Variants in SPATA9 observed in about 807,000 individuals in gnomAD.
SPATA9 encodes spermatogenesis associated 9.
In SPATA9, 27 loss-of-function variants were observed where a neutral mutation model predicts 25.5. That is an observed-to-expected ratio of 1.06 (90% CI 0.78 to 1.46). The LOEUF (loss-of-function observed/expected upper bound fraction) is 1.46, where lower values mean the gene tolerates loss of function less well. Among genes scored for constraint, SPATA9 ranks in the 40% most tolerant of loss-of-function variants. The pLI, the probability that SPATA9 is intolerant of heterozygous loss-of-function variation, is 0.00. For missense variants in SPATA9, 282 were observed against 297.5 expected, an observed-to-expected ratio of 0.95 and a Z score of 0.38; for synonymous variants, 102 against 105.7, an observed-to-expected ratio of 0.97 and a Z score of 0.21.
chr5:95,688,043 C>T (rs770562952), intron 1 of SPATA9, among the ~76,000 whole-genome samples: 10 of 152,096 alleles, frequency 6.6e-5, no homozygotes, highest in Non-Finnish European at 1.2e-4. Flanking sequence ...AACTACTACT[C>T]GATCTGGCAA....
At chr5:95,693,087 A>G (rs1223812655) in intron 1 of SPATA9, among the ~76,000 whole-genome samples, 1 of 152,190 alleles carries the variant, frequency 6.6e-6, no homozygotes, top group Non-Finnish European at 1.5e-5. Context: ...TTGTTTTTGT[A>G]TTATATCAAG....
At chr5:95,721,382 G>A in the SPATA9 span, among the ~76,000 whole-genome samples, 3 of 152,286 alleles carry the variant, frequency 2.0e-5, no homozygotes, top group Non-Finnish European at 4.4e-5. Context: ...GAACTGGAGG[G>A]AGCTGGTAAC....
At chr5:95,676,766 C>T (rs551858575) in intron 2 of SPATA9, among the ~76,000 whole-genome samples, 1 of 152,258 alleles carries the variant, frequency 6.6e-6, no homozygotes, top group African/African-American at 2.4e-5. Flanking sequence ...ATCAATACAC[C>T]AGCCAGAGAG....
intron 3 of SPATA9, among the ~76,000 whole-genome samples, chr5:95,667,711 T>C (rs1168385592): frequency 1.3e-5 from 2 of 152,178 alleles, no homozygotes; most frequent in African/African-American, 2.4e-5. Flanking sequence ...TGGTAGGCCA[T>C]ATACAATAAA....
the SPATA9 span, among the ~76,000 whole-genome samples, chr5:95,727,984 G>C: frequency 6.6e-6 from 1 of 152,188 alleles, no homozygotes; most frequent in African/African-American, 2.4e-5. Context: ...TGGCTTCAAG[G>C]TTGACCTGAC....
At chr5:95,670,996 C>T (rs906219920) in intron 3 of SPATA9, 2 of 697,216 alleles carry the variant, frequency 2.9e-6, no homozygotes, top group African/African-American at 3.9e-5. Context: ...TCTTCCTAAC[C>T]CCAGCCCCCA....
the SPATA9 span, chr5:95,708,561 A>G: frequency 8.6e-6 from 6 of 695,862 alleles, no homozygotes; most frequent in African/African-American, 1.1e-4. Flanking sequence ...ACTGATAAGT[A>G]TCTCGACAGC....
intron 1 of SPATA9, among the ~76,000 whole-genome samples, chr5:95,697,254 T>C (rs1754046632): frequency 6.6e-6 from 1 of 152,180 alleles, no homozygotes; most frequent in African/African-American, 2.4e-5. Flanking sequence ...CTCACTCGTG[T>C]GCCTTTTGGC....
intron 3 of SPATA9, among the ~76,000 whole-genome samples, chr5:95,668,842 G>A (rs920152443): frequency 6.6e-6 from 1 of 152,116 alleles, no homozygotes; most frequent in African/African-American, 2.4e-5. Context: ...CCAACAGTGA[G>A]CAGTAAAGAT....
At chr5:95,731,813 C>A in the SPATA9 span, 1 of 1,599,942 alleles carries the variant, frequency 6.3e-7, no homozygotes, top group Non-Finnish European at 8.5e-7. Context: ...GAGACCCGCG[C>A]GCTGACCGTG....
the SPATA9 span, chr5:95,731,136 C>T: frequency 2.0e-6 from 2 of 1,018,514 alleles, no homozygotes; most frequent in East Asian, 2.1e-4. Flanking sequence ...ATTTATATTC[C>T]GCGGCGCCCC....
In SPATA9 at chr5:95,697,604, T is replaced by C. The variant is rs370427533; in HGVS notation, n.124+984A>G. On this transcript the variant is annotated intron_variant and non_coding_transcript_variant, in intron 1 of 2. Coordinates refer to the SPATA9 transcript ENST00000379990. Reference sequence around the variant, plus strand: ...GAGGGAAGGTAACCTCCGTCTCTTGTAGGGCGCTGTATTGAAGAATGTGTA... The same window carrying C: ...GAGGGAAGGTAACCTCCGTCTCTTGCAGGGCGCTGTATTGAAGAATGTGTA... Among the ~76,000 whole-genome samples, 15 of 152,306 alleles carry C rather than the reference T, an allele frequency of 9.8e-5. 1 individual carries two copies. Among genetic ancestry groups the C allele is most frequent in the African/African-American group, 3.4e-4 (14 of 41,560 alleles).
the SPATA9 span, among the ~76,000 whole-genome samples, chr5:95,716,285 G>A: frequency 6.6e-6 from 1 of 152,234 alleles, no homozygotes; most frequent in Admixed American, 6.5e-5. Context: ...CCAGGAGTGG[G>A]GGTTACACCC....
chr5:95,661,795 T>C (rs1431238083), intron 4 of SPATA9, among the ~76,000 whole-genome samples: 2 of 152,222 alleles, frequency 1.3e-5, no homozygotes, highest in African/African-American at 4.8e-5. Context: ...CACTTCCCTA[T>C]ATATTTTAGA....
the SPATA9 span, among the ~76,000 whole-genome samples, chr5:95,724,060 T>G: frequency 6.6e-5 from 10 of 152,230 alleles, no homozygotes; most frequent in Admixed American, 2.0e-4. Context: ...ATTATGAAAT[T>G]TTCCTCTCAA....
At chr5:95,723,734 C>G in the SPATA9 span, among the ~76,000 whole-genome samples, 1 of 152,286 alleles carries the variant, frequency 6.6e-6, no homozygotes, top group South Asian at 2.1e-4. Flanking sequence ...CTTCCTGTCT[C>G]GCAGCCTCCC....
At chr5:95,695,100 T>G (rs1753983474) in intron 1 of SPATA9, among the ~76,000 whole-genome samples, 1 of 152,180 alleles carries the variant, frequency 6.6e-6, no homozygotes, top group African/African-American at 2.4e-5. Flanking sequence ...TACATGCATG[T>G]GACAAAGGCT....
At chr5:95,654,044 T>C, downstream of SPATA9, 1 of 1,602,378 alleles carries the variant, frequency 6.2e-7, no homozygotes, top group Non-Finnish European at 8.5e-7. Flanking sequence ...TAACTTTCCT[T>C]CTTTATGTTC....
At chr5:95,684,983 T>C (rs1753703783), upstream of SPATA9, among the ~76,000 whole-genome samples, 1 of 152,056 alleles carries the variant, frequency 6.6e-6, no homozygotes, top group Admixed American at 6.5e-5. Flanking sequence ...TTGAAGAAAA[T>C]GAACATTTTA....
Sources: gnomAD v4.1 joint callset for allele counts (sites outside exome capture counted in the v4.1 genomes callset) on GRCh38, gnomAD v4.1.1 for gene constraint, MANE v1.5 for transcripts, NCBI Gene and HGNC (gene_info 2026-07-23, HGNC 2026-07-21) for gene names.